The following ATG9B variants were observed in gnomAD, a reference collection of about 807,000 sequenced individuals.
ATG9B encodes the protein autophagy related 9B, also known as autophagy-related protein 9B.
In ATG9B, 92 loss-of-function variants were observed where a neutral mutation model predicts 92.9. The observed-to-expected ratio is 0.99, with a 90% CI of 0.84 to 1.18. ATG9B has a LOEUF of 1.18. Ranked by LOEUF, ATG9B falls within the 50% of genes most tolerant of loss-of-function variation. The probability of loss-of-function intolerance (pLI) is 0.00; values close to 1 mark genes in which losing one functional copy is unlikely to be tolerated. For missense variants in ATG9B, 1,344 were observed against 1,235.0 expected, an observed-to-expected ratio of 1.09 and a Z score of -1.32; for synonymous variants, 599 against 551.4, an observed-to-expected ratio of 1.09 and a Z score of -1.21.
downstream of ATG9B, chr7:151,013,791 G>A (rs1414087067): frequency 6.2e-7 from 1 of 1,611,162 alleles, no homozygotes; most frequent in Non-Finnish European, 8.5e-7. Flanking sequence ...TGCCTCGAGC[G>A]GGGCCACATG....
At chr7:151,019,621 G>T (rs1340969586) in intron 5 of ATG9B, among the ~76,000 whole-genome samples, 1 of 152,138 alleles carries the variant, frequency 6.6e-6, no homozygotes, top group East Asian at 1.9e-4. Flanking sequence ...CATCATCCCT[G>T]CCATTCATGT....
downstream of ATG9B, chr7:151,013,807 C>T: frequency 6.2e-7 from 1 of 1,610,500 alleles, no homozygotes. Context: ...ACATGTTTGT[C>T]TGCGGCGATG....
chr7:151,024,167 G>A lies in ATG9B; in HGVS notation c.257C>T (p.Ser86Phe). 6.4e-7 allele frequency: 1 copy of A among 1,557,816 alleles called. No homozygotes were observed. The change falls in exon 1 of 14, where the codon TCT (serine) becomes TTT (phenylalanine). Residue 86 changes from serine (S) to phenylalanine (F), a missense_variant. By Grantham distance (155) the Ser-to-Phe change is radical (BLOSUM62 -2). Transcript: ENST00000639579. ...SVLQGTGASQ[S>F]CHSALPIPAT... The stretch of plus-strand genomic sequence containing the variant: ...TGGGATAGGGAGAGCACTGTGGCAA[G>A]ACTGAGAAGCCCCTGTCCCCTGTAG...
downstream of ATG9B, chr7:151,013,582 C>A: frequency 2.2e-6 from 2 of 925,134 alleles, no homozygotes; most frequent in African/African-American, 1.7e-5. Flanking sequence ...TTTGGCTCTG[C>A]CCCTGTTGAC....
rs770241829 is a variant in ATG9B, at chr7:151,023,357, A to G, written c.659+88T>C. 4.0e-4 allele frequency: 644 copies of G among 1,597,610 alleles called. 4 individuals are homozygous for G. In the Middle Eastern group the frequency reaches 4.3e-3, roughly 11 times the overall value. On this transcript the variant is annotated intron_variant, in intron 3 of 13. Transcript: ENST00000639579. ...GCTGCTCGGGAAAGCATGGGATGGA[A>G]GCAGCTGGCACAATTAAGGAAGCAA...
downstream of ATG9B, chr7:151,013,520 C>T: frequency 3.3e-6 from 4 of 1,210,850 alleles, no homozygotes; most frequent in Non-Finnish European, 4.5e-6. Context: ...TCTGGCCCAC[C>T]CTTGTGCCCC....
chr7:151,018,791 G>A lies in ATG9B; in HGVS notation c.1547C>T (p.Thr516Ile), dbSNP rs1332371910. ...GCGCAGGGGCGCGGGGGGCGCAGCG[G>A]TGCGCAGGAAGGCGGCGGCGGGGCG... ...AYRPAAAFLRTAAPPAPLRTL... is the reference protein window; with the variant it reads ...AYRPAAAFLRIAAPPAPLRTL... The change falls in exon 6 of 14, where the codon ACC becomes ATC. Residue 516 changes from threonine (T) to isoleucine (I), a missense_variant. By Grantham distance (89) the Thr-to-Ile change is moderately conservative. Coordinates refer to ENST00000639579, the MANE Select transcript of ATG9B (RefSeq NM_001317056.2). The surrounding 1 kb of genome is among the most constrained non-coding windows in gnomAD (Gnocchi z 4.7). 8.8e-6 allele frequency: 12 copies of A among 1,358,328 alleles called. No individual in the cohort carries two copies. The highest frequency in any genetic ancestry group is 1.8e-5 in the South Asian group (1 of 56,338). 84.1% of individuals were successfully genotyped at this position (1,358,328 alleles called of 1,614,324 possible).
Position 151,018,723 on chromosome 7 carries a change from A to G in ATG9B, c.1615T>C (p.Phe539Leu), listed in dbSNP as rs545123457. The G allele has an allele frequency of 2.5e-6, 4 of 1,593,878 alleles. No individual in the cohort carries two copies. The African/African-American group carries it at 4.1e-5, about 16-fold the overall frequency. Residue 539 changes from phenylalanine to leucine, a missense_variant, in exon 6 of 14, where the codon TTC becomes CTC. Phe to Leu is a conservative substitution (Grantham distance 22). Coordinates refer to ENST00000639579, the MANE Select transcript of ATG9B (RefSeq NM_001317056.2). This position sits in a 1 kb window ranked among gnomAD's most constrained non-coding sequence, Gnocchi z 4.7. ...ACGGTGAGCACAAGCAGCGCGGCGA[A>G]GAGTGCACCCGCGAAGAAAACGAGC... ...RQLVFFAGAL[F>L]AALLVLTVYD...
intron 5 of ATG9B, among the ~76,000 whole-genome samples, 200 bp from the exon 6 acceptor site, chr7:151,019,574 G>A (rs1230691705): frequency 6.6e-6 from 1 of 152,142 alleles, no homozygotes; most frequent in Admixed American, 6.5e-5. Flanking sequence ...ACAAGGGCGC[G>A]CCCTACTTCC....
At chr7:151,013,349 C>T (rs766690710), downstream of ATG9B, 3 of 1,613,574 alleles carry the variant, frequency 1.9e-6, no homozygotes, top group African/African-American at 1.3e-5. Flanking sequence ...GAGTCCTCAC[C>T]GCCTTCTCCC....
chr7:151,014,124 G>A, downstream of ATG9B: 1 of 1,612,340 alleles, frequency 6.2e-7, no homozygotes, highest in Non-Finnish European at 8.5e-7. Context: ...GGGGCGCAGT[G>A]CCCTGGGCGT....
chr7:151,016,056 A>G (rs1179395374), intron 12 of ATG9B, 33 bp from the exon 13 acceptor site: 10 of 1,549,812 alleles, frequency 6.5e-6, no homozygotes, highest in Admixed American at 5.9e-5. Flanking sequence ...GGGCAGTTCC[A>G]TGATGCCCAG....
At position 151,024,267 on chromosome 7, in the gene ATG9B, G is replaced by C; in HGVS notation, c.157C>G (p.Leu53Val). The C allele has an allele frequency of 1.4e-6, 2 of 1,454,144 alleles. No individual in the cohort carries two copies. The highest frequency in any genetic ancestry group is 9.1e-7 in the Non-Finnish European group (1 of 1,100,536). The allele number at this position is 1,454,144 out of a possible 1,614,324, so 90.1% of individuals were successfully genotyped here. ...PGGGRISIFS[L>V]SPAPHTRSSP... The stretch of plus-strand genomic sequence containing the variant: ...CTTCTTGTATGAGGGGCAGGGGACA[G>C]AGAGAAGATGGAGATCCTCCCTCCC... The change falls in exon 1 of 14, where the codon CTG becomes GTG. Residue 53 changes from leucine to valine, a missense_variant. Leu to Val is a conservative substitution (Grantham distance 32). Transcript: ENST00000639579.
Position 151,019,043 on chromosome 7 carries a change from G to A in ATG9B, c.1295C>T (p.Ala432Val), listed in dbSNP as rs1795644422. ...YKRSDQRGAL[A>V]ARWGRTVLLL... ...CAGCACTGTGCGCCCCCAGCGCGCT[G>A]CTAGGGCGCCCCGCTGGTCGCTGCG... The change falls in exon 6 of 14, where the codon GCA becomes GTA. Residue 432 changes from alanine to valine, a missense_variant. By Grantham distance (64) the Ala-to-Val change is moderately conservative. Coordinates refer to ENST00000639579, the MANE Select transcript of ATG9B (RefSeq NM_001317056.2). 5 of 1,541,358 alleles carry A rather than the reference G, an allele frequency of 3.2e-6. No homozygotes were observed. Among genetic ancestry groups the A allele is most frequent in the Non-Finnish European group, 4.4e-6 (5 of 1,148,656 alleles).
intron 4 of ATG9B, 48 bp downstream of exon 4, chr7:151,022,997 C>T (rs1563264482): frequency 2.5e-6 from 4 of 1,612,280 alleles, no homozygotes; most frequent in Non-Finnish European, 2.5e-6. Flanking sequence ...TACTCCTCTA[C>T]CCACTGCCCA....
downstream of ATG9B, chr7:151,014,426 C>T: frequency 2.1e-6 from 1 of 469,880 alleles, no homozygotes; most frequent in Admixed American, 3.8e-5. Context: ...CCTACTGCCA[C>T]CCGCTTCCTG....
At chr7:151,013,215 G>A (rs550402766), downstream of ATG9B, 111 of 1,607,672 alleles carry the variant, frequency 6.9e-5, 1 homozygote, top group South Asian at 1.1e-3. Context: ...CTTCCCAAGC[G>A]CGGGGTTGCT....
chr7:151,018,476 G>A lies in ATG9B; in HGVS notation c.1719-29C>T, dbSNP rs1168927355. ...AAAGGCGGGATCCGTGGGGGGAAGG[G>A]GCCTGCGATTAGGAGGACGCGCGGT... On this transcript the variant is annotated intron_variant, in intron 6 of 13. Coordinates refer to ENST00000639579, the MANE Select transcript of ATG9B (RefSeq NM_001317056.2). The surrounding 1 kb of genome is among the most constrained non-coding windows in gnomAD (Gnocchi z 4.7). 2 of 1,519,978 alleles carry A rather than the reference G, an allele frequency of 1.3e-6. No homozygotes were observed. Among genetic ancestry groups the A allele is most frequent in the East Asian group, 4.7e-5 (2 of 42,796 alleles). The allele number at this position is 1,519,978 out of a possible 1,614,324, so 94.2% of individuals were successfully genotyped here.
At chr7:151,013,630 C>T (rs1280974248), downstream of ATG9B, 23 of 1,261,646 alleles carry the variant, frequency 1.8e-5, no homozygotes, top group Non-Finnish European at 2.4e-5. Flanking sequence ...AGGCCCGCTC[C>T]GGAGACTTTC....
Sources: allele counts gnomAD v4.1 joint callset (sites outside exome capture counted in the v4.1 genomes callset), GRCh38; gene constraint gnomAD v4.1.1; non-coding constraint Gnocchi (gnomAD v3.1); transcripts MANE v1.5; gene names NCBI Gene and HGNC (gene_info 2026-07-23, HGNC 2026-07-21).